STXBP4: variants seen among roughly 807,000 people sequenced by gnomAD.
STXBP4 encodes the protein syntaxin-binding protein 4.
In STXBP4, 55 loss-of-function variants were observed where a neutral mutation model predicts 76.1. The observed-to-expected ratio is 0.72, with a 90% CI of 0.58 to 0.91. STXBP4 has a LOEUF of 0.91. Ranked by LOEUF, STXBP4 falls within the 40% of genes least tolerant of loss-of-function variation. STXBP4 has a pLI of 0.00. For missense variants in STXBP4, 618 were observed against 636.9 expected (o/e 0.97, Z 0.32); for synonymous variants, 201 against 220.2 (o/e 0.91, Z 0.77).
intron 7 of STXBP4, among the ~76,000 whole-genome samples, chr17:55,001,410 G>A (rs926439941): frequency 2.0e-5 from 3 of 151,802 alleles, no homozygotes; most frequent in Admixed American, 1.3e-4. Context: ...ACAATAAAGC[G>A]TTAATTATCT....
intron 4 of STXBP4, 22 bp downstream of exon 4, chr17:54,990,979 A>G: frequency 2.7e-6 from 4 of 1,497,406 alleles, no homozygotes; most frequent in Non-Finnish European, 3.5e-6. Context: ...TCCCATGCCC[A>G]CCAAAAATAC....
At chr17:55,136,083 A>G (rs1420368468) in intron 16 of STXBP4, among the ~76,000 whole-genome samples, 1 of 152,304 alleles carries the variant, frequency 6.6e-6, no homozygotes, top group Non-Finnish European at 1.5e-5. Flanking sequence ...AACAATATCT[A>G]TCTCAAATTG....
At chr17:55,178,177 C>T (rs1198044330), downstream of STXBP4, among the ~76,000 whole-genome samples, 2 of 152,154 alleles carry the variant, frequency 1.3e-5, no homozygotes, top group African/African-American at 4.8e-5. Flanking sequence ...ATTTTGTTAA[C>T]ACAAATAAGA....
At chr17:54,986,352 C>T in intron 3 of STXBP4, 86 bp downstream of exon 3, 1 of 988,452 alleles carries the variant, frequency 1.0e-6, no homozygotes, top group Admixed American at 2.1e-5. Context: ...TTTTTTACAT[C>T]TAGCTCTCTA....
At chr17:55,077,983 T>A in intron 13 of STXBP4, 95 bp from the exon 14 acceptor site, 1 of 724,668 alleles carries the variant, frequency 1.4e-6, no homozygotes, top group Non-Finnish European at 2.3e-6. Flanking sequence ...GATAATTTGG[T>A]AATATTGAAT....
At chr17:55,089,125 G>A (rs2079377389) in intron 16 of STXBP4, among the ~76,000 whole-genome samples, 1 of 152,156 alleles carries the variant, frequency 6.6e-6, no homozygotes, top group Non-Finnish European at 1.5e-5. Flanking sequence ...AGGATTGAAA[G>A]ATTAAATGTA....
At chr17:55,119,577 A>G (rs1598329363) in intron 16 of STXBP4, among the ~76,000 whole-genome samples, 2 of 152,126 alleles carry the variant, frequency 1.3e-5, no homozygotes, top group African/African-American at 4.8e-5. Context: ...ACAGAACACT[A>G]ATCAGAAGTC....
rs919271344 is a variant in STXBP4 at position 55,166,640 on chromosome 17, T to C, written c.*6729T>C. The C allele has an allele frequency of 2.0e-5, 3 of 152,276 alleles. No homozygotes were observed. Among genetic ancestry groups the C allele is most frequent in the African/African-American group, 4.8e-5 (2 of 41,466 alleles). The allele number at this position is 152,276 out of a possible 1,614,324, so 9.4% of individuals were successfully genotyped here. ...CTTTGAAGAGCTCCTTGACACATGC[T>C]GCCTTCCCCATGCCCAGAGCTGGCA... On this transcript the variant is annotated 3_prime_UTR_variant, in exon 18 of 18. Transcript: ENST00000376352.
chr17:55,211,427 T>C, the STXBP4 span, among the ~76,000 whole-genome samples: 1 of 152,150 alleles, frequency 6.6e-6, no homozygotes. Flanking sequence ...AAAGTAAGAC[T>C]CTCACTTGAA....
the STXBP4 span, among the ~76,000 whole-genome samples, chr17:55,208,249 C>G: frequency 2.0e-5 from 3 of 151,984 alleles, no homozygotes; most frequent in Non-Finnish European, 4.4e-5. Flanking sequence ...CATAGCACTT[C>G]ATAGCAGTGC....
intron 17 of STXBP4, among the ~76,000 whole-genome samples, chr17:55,151,209 A>G (rs1056724451): frequency 6.6e-6 from 1 of 152,190 alleles, no homozygotes; most frequent in African/African-American, 2.4e-5. Context: ...TTGTTACTGC[A>G]GTAGCAAATG....
At chr17:55,128,595 CTTTTGTTTG>C (rs1008855674) in intron 16 of STXBP4, among the ~76,000 whole-genome samples, 6 of 151,758 alleles carry the variant, frequency 4.0e-5, no homozygotes, top group Non-Finnish European at 7.4e-5. Flanking sequence ...TTTCATAGTC[CTTTTGTTTG>C]TTTGTTTGTT....
At chr17:55,055,676 T>G (rs1374494966) in intron 12 of STXBP4, among the ~76,000 whole-genome samples, 3 of 152,206 alleles carry the variant, frequency 2.0e-5, no homozygotes, top group Non-Finnish European at 4.4e-5. Context: ...CATGACCTGC[T>G]GTCCTTTCCC....
intron 16 of STXBP4, among the ~76,000 whole-genome samples, chr17:55,140,271 G>T (rs1280337130): frequency 6.6e-6 from 1 of 152,144 alleles, no homozygotes; most frequent in East Asian, 1.9e-4. Context: ...TTGTGCTACT[G>T]CACTCTTGCC....
the STXBP4 span, among the ~76,000 whole-genome samples, chr17:55,194,992 C>T: frequency 3.9e-5 from 6 of 152,132 alleles, no homozygotes; most frequent in Non-Finnish European, 8.8e-5. Flanking sequence ...AATATCAATA[C>T]CTGTGCATAC....
the STXBP4 span, among the ~76,000 whole-genome samples, chr17:55,185,189 T>TTCTTCTTCTTC: frequency 3.4e-5 from 3 of 87,654 alleles, no homozygotes; most frequent in Admixed American, 2.5e-4. Flanking sequence ...TCTTCTTCTT[T>TTCTTCTTCTTC]TTCTTCTTCT....
At chr17:55,008,104 C>G (rs976098770) in intron 8 of STXBP4, among the ~76,000 whole-genome samples, 1 of 151,670 alleles carries the variant, frequency 6.6e-6, no homozygotes, top group Non-Finnish European at 1.5e-5. Context: ...CATTGAGACT[C>G]TCATGTAAAA....
At position 55,120,778 on chromosome 17, in the gene STXBP4, GC is replaced by G. The variant is rs2079835069; in HGVS notation, c.1490-20531del. On this transcript the variant is annotated intron_variant, in intron 16 of 17. Transcript: ENST00000376352. ...CCTTGCTGTGTTCACTCAACTGGATGCTCTGGTACAGGACTGTGTTTCCTAG... is the reference window on the plus strand; with the variant it reads ...CCTTGCTGTGTTCACTCAACTGGATGTCTGGTACAGGACTGTGTTTCCTAG... 3.9e-5 allele frequency among the ~76,000 whole-genome samples: 6 copies of G among 152,164 alleles called. No homozygotes were observed. In the South Asian group the frequency reaches 1.2e-3, roughly 32 times the overall value.
At chr17:55,061,077 A>C (rs899627450) in intron 12 of STXBP4, among the ~76,000 whole-genome samples, 1 of 152,190 alleles carries the variant, frequency 6.6e-6, no homozygotes, top group East Asian at 1.9e-4. Flanking sequence ...TGAGAAGAGC[A>C]TGAAGTCCTG....
Sources: allele counts gnomAD v4.1 joint callset (sites outside exome capture counted in the v4.1 genomes callset), GRCh38; gene constraint gnomAD v4.1.1; transcripts MANE v1.5; gene names NCBI Gene and HGNC (gene_info 2026-07-23, HGNC 2026-07-21).